Variants in HDAC4 observed in about 807,000 individuals in gnomAD.
HDAC4 encodes histone deacetylase A.
Under a neutral mutation model 135.1 loss-of-function variants are expected in HDAC4, and 16 were observed. The ratio of observed to expected loss-of-function variants is 0.12; its 90% confidence interval spans 0.08 to 0.18. The LOEUF (loss-of-function observed/expected upper bound fraction) is 0.18, where lower values mean the gene tolerates loss of function less well. Ranked by LOEUF, HDAC4 falls within the 10% of genes least tolerant of loss-of-function variation. The pLI, the probability that HDAC4 is intolerant of heterozygous loss-of-function variation, is 1.00. For missense variants in HDAC4, 1,143 were observed against 1,511.8 expected, an observed-to-expected ratio of 0.76 and a Z score of 4.05; for synonymous variants, 685 against 653.4, an observed-to-expected ratio of 1.05 and a Z score of -0.74.
rs557074517 is a variant in HDAC4, at chr2:239,180,220, G to A, written c.340-3657C>T. On this transcript the variant is annotated intron_variant, in intron 4 of 26. Coordinates refer to ENST00000543185, the MANE Select transcript of HDAC4 (RefSeq NM_001378414.1). ...AGCCTGGAGGTCCAGCTCAGCCCCC[G>A]GGCACCCAGCACACACACCTTTCCA... Among the ~76,000 whole-genome samples the A allele has an allele frequency of 5.9e-4, 90 of 152,120 alleles. 1 individual carries two copies. Among genetic ancestry groups the A allele is most frequent in the Middle Eastern group, 3.4e-3 (1 of 294 alleles).
At chr2:239,164,507 C>T (rs574859964) in intron 5 of HDAC4, among the ~76,000 whole-genome samples, 117 of 152,308 alleles carry the variant, frequency 7.7e-4, no homozygotes, top group African/African-American at 2.7e-3. Context: ...GGTTTTCTTC[C>T]GTGGCGGTGA....
At chr2:239,090,981 T>C (rs1461671572) in intron 17 of HDAC4, among the ~76,000 whole-genome samples, 1 of 152,234 alleles carries the variant, frequency 6.6e-6, no homozygotes. Flanking sequence ...ACTGGCCGTG[T>C]GGGCGGGTGA....
Position 239,144,617 on chromosome 2 carries a change from G to A in HDAC4, c.831C>T (p.Val277=), listed in dbSNP as rs763409182. The change falls in exon 8 of 27, where the codon GTC becomes GTT. Residue 277 remains valine, a synonymous_variant. Coordinates refer to ENST00000543185, the MANE Select transcript of HDAC4 (RefSeq NM_001378414.1). ...CCAACGGACGCTTTTTTAGAGCAGT[G>A]ACCACTGGCCCGTCTTTCCTGCGTA... ...PLLRRKDGPV[V]TALKKRPLDV... 2.5e-6 allele frequency: 4 copies of A among 1,614,186 alleles called. No individual in the cohort carries two copies. Among genetic ancestry groups the A allele is most frequent in the Non-Finnish European group, 3.4e-6 (4 of 1,180,040 alleles).
intron 6 of HDAC4, among the ~76,000 whole-genome samples, chr2:239,163,092 C>CT (rs765946421): frequency 6.6e-6 from 1 of 151,730 alleles, no homozygotes; most frequent in Non-Finnish European, 1.5e-5. Flanking sequence ...TGAACTCTCC[C>CT]CCGAAGGCCT....
intron 2 of HDAC4, among the ~76,000 whole-genome samples, chr2:239,301,231 G>A (rs865968200): frequency 1.2e-4 from 19 of 152,180 alleles, no homozygotes; most frequent in Non-Finnish European, 1.6e-4. Context: ...CCCAGCCTCT[G>A]GTTCTAAAGT....
At chr2:239,231,628 T>C (rs577156141) in intron 3 of HDAC4, among the ~76,000 whole-genome samples, 7 of 125,088 alleles carry the variant, frequency 5.6e-5, no homozygotes, top group Non-Finnish European at 9.7e-5. Context: ...ATGCCTGAGG[T>C]AGGTGTCCTC....
At chr2:239,181,208 C>T (rs2153015748) in intron 4 of HDAC4, among the ~76,000 whole-genome samples, 1 of 152,348 alleles carries the variant, frequency 6.6e-6, no homozygotes, top group Admixed American at 6.5e-5. Flanking sequence ...GGGTGGGACT[C>T]AATTCCAGCC....
In HDAC4 at chr2:239,115,517, G is replaced by T. The variant is rs2039049508; in HGVS notation, c.1534-207C>A. On this transcript the variant is annotated intron_variant, in intron 12 of 26. Coordinates refer to ENST00000543185, the MANE Select transcript of HDAC4 (RefSeq NM_001378414.1). The surrounding 1 kb of genome is among the most constrained non-coding windows in gnomAD (Gnocchi z 6.3). ...TGCCTAAGAAAATAATGCCCAGTAG[G>T]ACCCCAGCCCAGGGTCAAGGTGACC... Among the ~76,000 whole-genome samples, 1 of 152,142 alleles carries T rather than the reference G, an allele frequency of 6.6e-6. No individual in the cohort carries two copies. The highest frequency in any genetic ancestry group is 2.4e-5 in the African/African-American group (1 of 41,450).
intron 1 of HDAC4, among the ~76,000 whole-genome samples, chr2:239,391,289 ACAG>A (rs1451234390): frequency 2.6e-5 from 4 of 152,222 alleles, no homozygotes; most frequent in African/African-American, 9.6e-5. Context: ...AAACTATGAC[ACAG>A]TCCCTGCAAG....
At chr2:239,140,570 C>A (rs1396850467) in intron 8 of HDAC4, among the ~76,000 whole-genome samples, 1 of 152,212 alleles carries the variant, frequency 6.6e-6, no homozygotes, top group Non-Finnish European at 1.5e-5. Flanking sequence ...GGCATTTTAA[C>A]AATGGCATCA....
intron 5 of HDAC4, among the ~76,000 whole-genome samples, chr2:239,174,972 C>T (rs965286289): frequency 2.3e-4 from 35 of 152,172 alleles, no homozygotes; most frequent in African/African-American, 7.7e-4. Flanking sequence ...GAGGAGTTAT[C>T]TTTGGGGAAG....
At chr2:239,381,120 G>A (rs1053975885) in intron 1 of HDAC4, among the ~76,000 whole-genome samples, 5 of 152,186 alleles carry the variant, frequency 3.3e-5, no homozygotes, top group Non-Finnish European at 5.9e-5. Context: ...TCTGAGGAAG[G>A]AAACCGTCTA....
At chr2:239,171,967 C>T (rs1434333325) in intron 5 of HDAC4, among the ~76,000 whole-genome samples, 1 of 152,004 alleles carries the variant, frequency 6.6e-6, no homozygotes, top group Admixed American at 6.6e-5. Flanking sequence ...CCATTAGACC[C>T]ACATTAAGGT....
At chr2:239,376,246 A>C (rs1694996115) in intron 1 of HDAC4, among the ~76,000 whole-genome samples, 1 of 149,240 alleles carries the variant, frequency 6.7e-6, no homozygotes, top group South Asian at 2.1e-4. Flanking sequence ...CACCATCCAA[A>C]CACCAAGGCA....
intron 3 of HDAC4, among the ~76,000 whole-genome samples, chr2:239,200,347 T>C (rs1477626644): frequency 1.3e-5 from 2 of 152,184 alleles, no homozygotes; most frequent in Non-Finnish European, 2.9e-5. Context: ...TTAACTGAAT[T>C]GCAACTGTTG....
At chr2:239,124,311 G>A (rs1052555837) in intron 12 of HDAC4, among the ~76,000 whole-genome samples, 24 of 152,206 alleles carry the variant, frequency 1.6e-4, no homozygotes, top group African/African-American at 4.8e-4. Context: ...CCATCTGCCC[G>A]CAGCAGCCCA....
intron 11 of HDAC4, among the ~76,000 whole-genome samples, chr2:239,131,342 C>G (rs1257329834): frequency 2.7e-5 from 4 of 150,254 alleles, no homozygotes; most frequent in Non-Finnish European, 5.9e-5. Context: ...CACCTATGCA[C>G]CACGATTACC....
At position 239,048,591 on chromosome 2, in the gene HDAC4, A is replaced by AGATAGATAGATAGATT. The variant is rs1427551924; in HGVS notation, c.*4505_*4506insAATCTATCTATCTATC. ...TAGATAGATAGATAGATAGATAGAT[A>AGATAGATAGATAGATT]GATTATATATGTTTGTCATTCTCAT... is the stretch of plus-strand genomic sequence containing the variant. On this transcript the variant is annotated 3_prime_UTR_variant, in exon 27 of 27. Coordinates refer to ENST00000543185, the MANE Select transcript of HDAC4 (RefSeq NM_001378414.1). 1.8e-4 allele frequency: 28 copies of AGATAGATAGATAGATT among 151,382 alleles called. No individual in the cohort carries two copies. Among genetic ancestry groups the AGATAGATAGATAGATT allele is most frequent in the Admixed American group, 1.6e-3 (25 of 15,200 alleles). The allele number at this position is 151,382 out of a possible 1,614,324, so 9.4% of individuals were successfully genotyped here.
At chr2:239,290,795 G>A (rs906275767) in intron 2 of HDAC4, among the ~76,000 whole-genome samples, 8 of 152,216 alleles carry the variant, frequency 5.3e-5, no homozygotes, top group African/African-American at 1.9e-4. Flanking sequence ...TGTTTCTAGG[G>A]CACTATGGGG....
Sources: gnomAD v4.1 joint callset for allele counts (sites outside exome capture counted in the v4.1 genomes callset) on GRCh38, gnomAD v4.1.1 for gene constraint, Gnocchi (gnomAD v3.1) non-coding constraint, MANE v1.5 for transcripts, NCBI Gene and HGNC (gene_info 2026-07-23, HGNC 2026-07-21) for gene names.